The following SEL1L3 variants were observed in gnomAD, a reference collection of about 807,000 sequenced individuals.
SEL1L3 encodes the protein SEL1L family member 3, also known as protein sel-1 homolog 3.
In SEL1L3, 76 loss-of-function variants were observed where a neutral mutation model predicts 142.8. That is an observed-to-expected ratio of 0.53 (90% CI 0.44 to 0.64). The LOEUF (loss-of-function observed/expected upper bound fraction) is 0.64, where lower values mean the gene tolerates loss of function less well. Among genes scored for constraint, SEL1L3 ranks in the 30% least tolerant of loss-of-function variants. SEL1L3 has a pLI of 0.00. For synonymous variants in SEL1L3, 504 were observed against 519.6 expected (o/e 0.97, Z 0.41); for missense variants, 1,262 against 1,381.7 (o/e 0.91, Z 1.37).
intron 6 of SEL1L3, among the ~76,000 whole-genome samples, chr4:25,827,493 G>A (rs999242689): frequency 2.6e-5 from 4 of 152,220 alleles, no homozygotes; most frequent in Non-Finnish European, 5.9e-5. Context: ...CTTCATGGGA[G>A]CACGGCCCTG....
At chr4:25,742,977 GAGA>G (rs1717162608), downstream of SEL1L3, among the ~76,000 whole-genome samples, 1 of 152,180 alleles carries the variant, frequency 6.6e-6, no homozygotes, top group Non-Finnish European at 1.5e-5. Flanking sequence ...TAAGAATGAA[GAGA>G]AGGAGTTTCA....
At chr4:25,773,500 C>T (rs2109151449) in intron 17 of SEL1L3, 1 of 152,312 alleles carries the variant, frequency 6.6e-6, no homozygotes, top group Non-Finnish European at 1.5e-5. Flanking sequence ...ACCCTACTGA[C>T]TCATGCCACA....
chr4:25,757,895 C>G, intron 21 of SEL1L3, 105 bp from the exon 22 acceptor site: 1 of 749,258 alleles, frequency 1.3e-6, no homozygotes, highest in Non-Finnish European at 2.3e-6. Flanking sequence ...TGCTTTTGGA[C>G]AAATGAGCAC....
At chr4:25,824,910 G>A (rs561226283) in intron 6 of SEL1L3, among the ~76,000 whole-genome samples, 65 of 152,188 alleles carry the variant, frequency 4.3e-4, no homozygotes, top group African/African-American at 1.4e-3. Flanking sequence ...AAATCTAGAT[G>A]GCTTTTGGGC....
Position 25,790,739 on chromosome 4 carries a change from GGAA to G in SEL1L3, c.1957-168_1957-166del, listed in dbSNP as rs1467181741. Among the ~76,000 whole-genome samples, 31 of 118,254 alleles carry G rather than the reference GGAA, an allele frequency of 2.6e-4. 1 individual carries two copies. Among genetic ancestry groups the G allele is most frequent in the African/African-American group, 7.8e-4 (24 of 30,606 alleles). The allele number at this position is 118,254 out of a possible 152,430, so 77.6% of individuals were successfully genotyped here. On this transcript the variant is annotated intron_variant, in intron 11 of 23. Coordinates refer to ENST00000399878, the MANE Select transcript of SEL1L3 (RefSeq NM_015187.5). ...AGGAGAGAGGGAGGGAGGGAAGGAA[GGAA>G]GGAAGGAAGGAAGGAAGAAAGGAAG...
Position 25,833,430 on chromosome 4 carries a change from G to C in SEL1L3, c.982+18C>G. ...ACAAAATTACAATATCATTTTAAAG[G>C]TTCTGTTTTATACTCACCCTCTTCC... On this transcript the variant is annotated intron_variant, in intron 4 of 23. Transcript: ENST00000399878. The C allele has an allele frequency of 1.2e-6, 2 of 1,602,556 alleles. No homozygotes were observed. Among genetic ancestry groups the C allele is most frequent in the Non-Finnish European group, 1.7e-6 (2 of 1,174,516 alleles).
chr4:25,816,045 G>T, intron 9 of SEL1L3, among the ~76,000 whole-genome samples: 1 of 146,914 alleles, frequency 6.8e-6, no homozygotes, highest in South Asian at 2.1e-4. Flanking sequence ...TAAGTATATT[G>T]TATATATATG....
chr4:25,730,619 A>G, the SEL1L3 span, among the ~76,000 whole-genome samples: 27 of 152,256 alleles, frequency 1.8e-4, no homozygotes, highest in Admixed American at 1.2e-3. Flanking sequence ...TCTGATGCTA[A>G]CATCTGCGCT....
At chr4:25,731,397 G>A in the SEL1L3 span, among the ~76,000 whole-genome samples, 1 of 152,130 alleles carries the variant, frequency 6.6e-6, no homozygotes, top group Non-Finnish European at 1.5e-5. Flanking sequence ...GATTTGATGA[G>A]TTTTGGCATA....
intron 16 of SEL1L3, among the ~76,000 whole-genome samples, chr4:25,778,363 A>G (rs2309286): frequency 0.4 from 61,518 of 152,028 alleles, 13,209 homozygotes; most frequent in African/African-American, 0.55. Context: ...TGGACATACC[A>G]AGAGGAAATT....
At chr4:25,799,970 G>A (rs960204176) in intron 11 of SEL1L3, among the ~76,000 whole-genome samples, 6 of 152,174 alleles carry the variant, frequency 3.9e-5, no homozygotes, top group African/African-American at 1.2e-4. Context: ...GGCAGAATGC[G>A]AGGACTAATC....
At chr4:25,849,406 G>A (rs1468440259) in intron 1 of SEL1L3, among the ~76,000 whole-genome samples, 1 of 152,106 alleles carries the variant, frequency 6.6e-6, no homozygotes. Context: ...GAGGAGATGA[G>A]GCTAAGGAAA....
intron 12 of SEL1L3, 126 bp downstream of exon 12, chr4:25,790,329 G>C: frequency 1.1e-6 from 1 of 887,160 alleles, no homozygotes; most frequent in Admixed American, 2.0e-5. Flanking sequence ...TATTGGACAT[G>C]CAGTGTGAGT....
At chr4:25,863,367 T>G (rs1717885949), upstream of SEL1L3, 1 of 660,994 alleles carries the variant, frequency 1.5e-6, no homozygotes, top group Non-Finnish European at 2.7e-6. Context: ...TTTCTCCTTT[T>G]CCTCCCTTTC....
chr4:25,734,446 T>A, the SEL1L3 span, among the ~76,000 whole-genome samples: 1 of 152,244 alleles, frequency 6.6e-6, no homozygotes, highest in African/African-American at 2.4e-5. Context: ...GTTAATACAA[T>A]TAATTATATC....
downstream of SEL1L3, among the ~76,000 whole-genome samples, chr4:25,743,652 T>C (rs550767148): frequency 3.3e-5 from 5 of 152,232 alleles, no homozygotes; most frequent in African/African-American, 1.2e-4. Flanking sequence ...AACTGTTGCA[T>C]TGTTTTGAGT....
intron 9 of SEL1L3, among the ~76,000 whole-genome samples, chr4:25,814,461 A>T (rs1714236426): frequency 6.6e-6 from 1 of 152,218 alleles, no homozygotes; most frequent in African/African-American, 2.4e-5. Context: ...TCATGCTTGA[A>T]TCCATTCTTA....
the SEL1L3 span, among the ~76,000 whole-genome samples, chr4:25,730,212 C>T: frequency 1.3e-5 from 2 of 152,110 alleles, no homozygotes; most frequent in African/African-American, 2.4e-5. Context: ...GGGTGAGCCA[C>T]CGAGCCCGGC....
chr4:25,815,437 A>G (rs1288372661), intron 9 of SEL1L3, among the ~76,000 whole-genome samples: 2 of 152,200 alleles, frequency 1.3e-5, no homozygotes, highest in African/African-American at 4.8e-5. Context: ...GCCTCCATGG[A>G]AAACAAATCA....
Sources: allele counts gnomAD v4.1 joint callset (sites outside exome capture counted in the v4.1 genomes callset), GRCh38; gene constraint gnomAD v4.1.1; transcripts MANE v1.5; gene names NCBI Gene and HGNC (gene_info 2026-07-23, HGNC 2026-07-21).